Variants in DENND1B observed in about 807,000 individuals in gnomAD.
DENND1B encodes DENN domain-containing protein 1B.
In DENND1B, 59 loss-of-function variants were observed where a neutral mutation model predicts 90.1. The ratio of observed to expected loss-of-function variants is 0.65; its 90% confidence interval spans 0.53 to 0.81. The LOEUF (loss-of-function observed/expected upper bound fraction) is 0.81. Ranked by LOEUF, DENND1B falls within the 40% of genes least tolerant of loss-of-function variation. DENND1B has a pLI of 0.00. For missense variants in DENND1B, 862 were observed against 912.6 expected (o/e 0.94, Z 0.71); for synonymous variants, 337 against 324.6 (o/e 1.04, Z -0.41).
intron 2 of DENND1B, among the ~76,000 whole-genome samples, chr1:197,753,721 C>A (rs955714837): frequency 1.3e-4 from 20 of 152,200 alleles, no homozygotes; most frequent in Non-Finnish European, 1.5e-4. Flanking sequence ...AAGTCGATGG[C>A]CACGCGCGGT....
Position 197,680,498 on chromosome 1 carries a change from A to G in DENND1B, c.127-6329T>C, listed in dbSNP as rs536480053. ...TTTAGAAAAAGTTTTACAGCAGTTG[A>G]CTAATGATCAGTTACCATGACTCCA... On this transcript the variant is annotated intron_variant, in intron 3 of 22. Transcript: ENST00000620048. 2.0e-5 allele frequency among the ~76,000 whole-genome samples: 3 copies of G among 152,300 alleles called. No individual in the cohort carries two copies. In the East Asian group the frequency reaches 5.8e-4, roughly 29 times the overall value.
rs185484250 is a variant in DENND1B at position 197,628,189 on chromosome 1, T to C, written c.673-10430A>G. Among the ~76,000 whole-genome samples, 333 of 152,134 alleles carry C rather than the reference T, an allele frequency of 2.2e-3. 2 individuals are homozygous for C. Among genetic ancestry groups the C allele is most frequent in the African/African-American group, 7.7e-3 (320 of 41,480 alleles). On this transcript the variant is annotated intron_variant, in intron 10 of 22. Coordinates refer to ENST00000620048, the MANE Select transcript of DENND1B (RefSeq NM_001195215.2). ...GGAAAAAACTACTTTAAAGTTCATA[T>C]AGAACCAAAAAAGAGCCCGCATCGC...
intron 12 of DENND1B, among the ~76,000 whole-genome samples, chr1:197,609,674 G>C (rs1677006456): frequency 6.7e-6 from 1 of 148,544 alleles, no homozygotes; most frequent in Non-Finnish European, 1.5e-5. Flanking sequence ...CATTAGGTTG[G>C]TGCAAAATTA....
intron 15 of DENND1B, among the ~76,000 whole-genome samples, chr1:197,580,320 G>A (rs563530697): frequency 6.2e-4 from 90 of 144,470 alleles, no homozygotes; most frequent in African/African-American, 2.2e-3. Context: ...GGATGGTCTC[G>A]ATCTCCTGAC....
chr1:197,619,836 A>C lies in DENND1B; in HGVS notation c.673-2077T>G, dbSNP rs543172698. On this transcript the variant is annotated intron_variant, in intron 10 of 22. Coordinates refer to ENST00000620048, the MANE Select transcript of DENND1B (RefSeq NM_001195215.2). ...TCTGTAATTATATGCAGAGTCACAAAATTTCTGCAATGGCCAGCATCTGGT... is the reference window on the plus strand; with the variant it reads ...TCTGTAATTATATGCAGAGTCACAACATTTCTGCAATGGCCAGCATCTGGT... 3.3e-5 allele frequency among the ~76,000 whole-genome samples: 5 copies of C among 151,300 alleles called. No individual in the cohort carries two copies. The East Asian group carries it at 9.8e-4, about 30-fold the overall frequency.
chr1:197,705,989 T>C (rs1659495114), intron 3 of DENND1B, among the ~76,000 whole-genome samples: 1 of 69,362 alleles, frequency 1.4e-5, no homozygotes, highest in Admixed American at 1.9e-4. Context: ...ATCAGACTTT[T>C]TGAGTGTAAT....
chr1:197,755,441 T>TA (rs1654159519), intron 2 of DENND1B, among the ~76,000 whole-genome samples: 1 of 149,330 alleles, frequency 6.7e-6, no homozygotes, highest in South Asian at 2.1e-4. Flanking sequence ...AAAAAAAAAA[T>TA]ACAATGGTAC....
chr1:197,565,550 A>G (rs1672567788), intron 15 of DENND1B, among the ~76,000 whole-genome samples: 1 of 151,730 alleles, frequency 6.6e-6, no homozygotes, highest in Non-Finnish European at 1.5e-5. Context: ...CAGGTTAGTT[A>G]CATATGCATA....
At chr1:197,754,245 T>C (rs1420369575) in intron 2 of DENND1B, among the ~76,000 whole-genome samples, 1 of 152,116 alleles carries the variant, frequency 6.6e-6, no homozygotes, top group Non-Finnish European at 1.5e-5. Context: ...GATAAGACTA[T>C]ATATCTTTTC....
At position 197,727,217 on chromosome 1, in the gene DENND1B, C is replaced by T. The variant is rs191075391; in HGVS notation, c.83-12143G>A. Among the ~76,000 whole-genome samples the T allele has an allele frequency of 2.0e-5, 3 of 152,110 alleles. No homozygotes were observed. In the South Asian group the frequency reaches 6.2e-4, roughly 31 times the overall value. On this transcript the variant is annotated intron_variant, in intron 2 of 22. Transcript: ENST00000620048. ...CATGCTTACTAATAATTAAGTCCTACAGTAATTTTCACCCATTTTTCTTAA... is the reference window on the plus strand; with the variant it reads ...CATGCTTACTAATAATTAAGTCCTATAGTAATTTTCACCCATTTTTCTTAA...
rs532006904 is a variant in DENND1B, at chr1:197,504,844, A to C, written c.*5616T>G. The C allele has an allele frequency of 6.6e-6, 1 of 151,900 alleles. No homozygotes were observed. Among genetic ancestry groups the C allele is most frequent in the Admixed American group, 6.6e-5 (1 of 15,212 alleles). 9.4% of individuals were successfully genotyped at this position (151,900 alleles called of 1,614,324 possible). ...ATTTATTTTTGCATATTTTTAAAAA[A>C]ATTCCCAAAGCGATGCTTTTATACA... On this transcript the variant is annotated 3_prime_UTR_variant, in exon 23 of 23. Coordinates refer to ENST00000620048, the MANE Select transcript of DENND1B (RefSeq NM_001195215.2).
chr1:197,583,164 C>T lies in DENND1B; in HGVS notation c.1137G>A (p.Gln379=). The T allele has an allele frequency of 6.2e-7, 1 of 1,613,760 alleles. No individual in the cohort carries two copies. Among genetic ancestry groups the T allele is most frequent in the Non-Finnish European group, 8.5e-7 (1 of 1,179,742 alleles). The change falls in exon 15 of 23, where the codon CAG becomes CAA. Residue 379 remains glutamine (Q), a synonymous_variant. Transcript: ENST00000620048. ...KQFLETAINL[Q]LFKQFIDGRL... Reference sequence around the variant, plus strand: ...GGTCCACTCTTACCTGCTTAAAAAGCTGGAGGTTAATGGCAGTTTCCAGGA... The same window carrying T: ...GGTCCACTCTTACCTGCTTAAAAAGTTGGAGGTTAATGGCAGTTTCCAGGA...
chr1:197,604,055 T>A lies in DENND1B; in HGVS notation c.921+3018A>T, dbSNP rs892908261. Among the ~76,000 whole-genome samples, 67 of 151,344 alleles carry A rather than the reference T, an allele frequency of 4.4e-4. 1 individual carries two copies. Among genetic ancestry groups the A allele is most frequent in the Non-Finnish European group, 7.0e-4 (47 of 67,470 alleles). On this transcript the variant is annotated intron_variant, in intron 13 of 22. Coordinates refer to ENST00000620048, the MANE Select transcript of DENND1B (RefSeq NM_001195215.2). ...ACTACAGATGTTTGAAGGTGTCTAT[T>A]TGGCACAGCCACTAAAAAATAAAGT...
intron 2 of DENND1B, among the ~76,000 whole-genome samples, chr1:197,724,614 C>T (rs1358464055): frequency 2.6e-5 from 4 of 152,060 alleles, no homozygotes; most frequent in Admixed American, 2.0e-4. Flanking sequence ...AAAATCTAAA[C>T]ACCTGTGATT....
chr1:197,600,766 C>A (rs1209586114), intron 13 of DENND1B, among the ~76,000 whole-genome samples: 1 of 151,504 alleles, frequency 6.6e-6, no homozygotes, highest in Non-Finnish European at 1.5e-5. Context: ...AGAATATAGA[C>A]CAAGCTCCTA....
intron 6 of DENND1B, among the ~76,000 whole-genome samples, chr1:197,655,017 G>A (rs894665755): frequency 6.6e-6 from 1 of 152,068 alleles, no homozygotes; most frequent in African/African-American, 2.4e-5. Context: ...TCCAGACTCA[G>A]TCAACAGAAG....
intron 9 of DENND1B, among the ~76,000 whole-genome samples, chr1:197,644,011 C>T (rs1680511333): frequency 6.6e-6 from 1 of 152,102 alleles, no homozygotes; most frequent in Non-Finnish European, 1.5e-5. Context: ...CTTCAATTTC[C>T]GGAAGATAGA....
chr1:197,513,001 G>A (rs1668139909), intron 20 of DENND1B, 48 bp from the exon 21 acceptor site: 1 of 1,498,388 alleles, frequency 6.7e-7, no homozygotes, highest in Non-Finnish European at 9.1e-7. Context: ...TTTAAAATAA[G>A]TCTCTTTAGC....
At chr1:197,515,688 T>C (rs929505564) in intron 20 of DENND1B, among the ~76,000 whole-genome samples, 1 of 151,802 alleles carries the variant, frequency 6.6e-6, no homozygotes, top group African/African-American at 2.4e-5. Flanking sequence ...GTAGAGTACT[T>C]TGCAAAACAC....
Sources: allele counts gnomAD v4.1 joint callset (sites outside exome capture counted in the v4.1 genomes callset), GRCh38; gene constraint gnomAD v4.1.1; transcripts MANE v1.5; gene names NCBI Gene and HGNC (gene_info 2026-07-23, HGNC 2026-07-21).